Variants in INSYN2A observed in about 807,000 individuals in gnomAD.
INSYN2A encodes the protein family with sequence similarity 196 member A.
INSYN2A carries 17 observed loss-of-function variants against 39.4 expected under a neutral mutation model. That is an observed-to-expected ratio of 0.43 (90% confidence interval 0.30 to 0.65). The LOEUF (loss-of-function observed/expected upper bound fraction) is 0.65, where lower values mean the gene tolerates loss of function less well. Among genes scored for constraint, INSYN2A ranks in the 30% least tolerant of loss-of-function variants. The pLI, the probability that INSYN2A is intolerant of heterozygous loss-of-function variation, is 0.14. For missense variants in INSYN2A, 595 were observed against 631.2 expected, an observed-to-expected ratio of 0.94 and a Z score of 0.61; for synonymous variants, 255 against 265.7, an observed-to-expected ratio of 0.96 and a Z score of 0.39.
intron 5 of INSYN2A, chr10:127,145,870 C>A (rs1592214105): frequency 2.5e-6 from 1 of 399,032 alleles, no homozygotes; most frequent in South Asian, 1.9e-5. Flanking sequence ...TTGTGTGTGT[C>A]ATCTGGTGTC....
chr10:127,144,132 T>C (rs918195117), intron 5 of INSYN2A, among the ~76,000 whole-genome samples: 1 of 152,120 alleles, frequency 6.6e-6, no homozygotes. Context: ...TCCTTGGCCA[T>C]TGAAACAGCT....
chr10:127,189,444 G>A (rs1238446124), intron 2 of INSYN2A, among the ~76,000 whole-genome samples: 1 of 152,176 alleles, frequency 6.6e-6, no homozygotes, highest in Non-Finnish European at 1.5e-5. Flanking sequence ...CTGTCATTCA[G>A]CCTCACCCTG....
chr10:127,169,747 G>A (rs1292311018), intron 4 of INSYN2A, among the ~76,000 whole-genome samples: 2 of 152,166 alleles, frequency 1.3e-5, no homozygotes, highest in South Asian at 2.1e-4. Flanking sequence ...CTGACCCTGA[G>A]CCCCTGCAGT....
chr10:127,185,237 T>C (rs1284276380), intron 2 of INSYN2A, among the ~76,000 whole-genome samples: 1 of 152,110 alleles, frequency 6.6e-6, no homozygotes, highest in Non-Finnish European at 1.5e-5. Context: ...GGTTTAAGAA[T>C]CTTAACACTG....
intron 4 of INSYN2A, among the ~76,000 whole-genome samples, chr10:127,154,241 T>G (rs2052803729): frequency 6.6e-6 from 1 of 152,248 alleles, no homozygotes; most frequent in Non-Finnish European, 1.5e-5. Context: ...TAAAGAAACT[T>G]TGAGGAAAAA....
At chr10:127,154,759 C>G (rs1402464460) in intron 4 of INSYN2A, among the ~76,000 whole-genome samples, 1 of 152,104 alleles carries the variant, frequency 6.6e-6, no homozygotes, top group Non-Finnish European at 1.5e-5. Flanking sequence ...AATTCTCCCC[C>G]CTAATTAAAA....
chr10:127,137,167 A>G lies in INSYN2A; in HGVS notation c.*670T>C, dbSNP rs2050772285. The G allele has an allele frequency of 6.5e-6, 1 of 152,708 alleles. No individual in the cohort carries two copies. Among genetic ancestry groups the G allele is most frequent in the Non-Finnish European group, 1.5e-5 (1 of 68,062 alleles). 9.5% of individuals were successfully genotyped at this position (152,708 alleles called of 1,614,324 possible). On this transcript the variant is annotated 3_prime_UTR_variant, in exon 6 of 6. Transcript: ENST00000522781. ...GCTGCTGGCCATTTGGAAAATGAGC[A>G]GTAAACATGTCGTAAGTCTGGAGAT...
chr10:127,149,213 C>T (rs1156228941), intron 5 of INSYN2A, among the ~76,000 whole-genome samples: 1 of 152,262 alleles, frequency 6.6e-6, no homozygotes, highest in South Asian at 2.1e-4. Flanking sequence ...TTGATGATCC[C>T]TTAGTGCAAC....
chr10:127,176,396 G>C lies in INSYN2A; in HGVS notation c.-1C>G, dbSNP rs2055160027. On this transcript the variant is annotated 5_prime_UTR_variant, in exon 4 of 6. Coordinates refer to ENST00000522781, the MANE Select transcript of INSYN2A (RefSeq NM_001039762.3). This position sits in a 1 kb window ranked among gnomAD's most constrained non-coding sequence, Gnocchi z 4.4. ...ATTTGCCGGTGTCCTTACTGACCAT[G>C]GTTCCTGCATTCAGAAACAGCAACA... is the stretch of plus-strand genomic sequence containing the variant. The C allele has an allele frequency of 1.3e-6, 2 of 1,596,878 alleles. No homozygotes were observed. Among genetic ancestry groups the C allele is most frequent in the Non-Finnish European group, 1.7e-6 (2 of 1,172,156 alleles).
At chr10:127,163,008 C>A (rs2053724324) in intron 4 of INSYN2A, among the ~76,000 whole-genome samples, 1 of 152,208 alleles carries the variant, frequency 6.6e-6, no homozygotes, top group African/African-American at 2.4e-5. Flanking sequence ...TGCAAACCTG[C>A]ATCCTTGGTC....
chr10:127,193,582 A>C (rs576679380), intron 1 of INSYN2A, among the ~76,000 whole-genome samples: 28 of 152,298 alleles, frequency 1.8e-4, no homozygotes, highest in African/African-American at 6.7e-4. Context: ...CAAACAAGAG[A>C]ATACAAATGT....
chr10:127,144,770 G>A (rs908739224), intron 5 of INSYN2A, among the ~76,000 whole-genome samples: 1 of 152,030 alleles, frequency 6.6e-6, no homozygotes, highest in African/African-American at 2.4e-5. Context: ...ATGATTCACC[G>A]TAACTTTGTA....
At chr10:127,159,241 A>G (rs149196798) in intron 4 of INSYN2A, among the ~76,000 whole-genome samples, 271 of 152,264 alleles carry the variant, frequency 1.8e-3, no homozygotes, top group African/African-American at 6.1e-3. Flanking sequence ...TCTTCACAGG[A>G]CTTTGCTCTA....
rs1418152332 is a variant in INSYN2A at position 127,136,244 on chromosome 10, C to T, written c.*1593G>A. ...TCACTAGGTCCTTGTAGAATCAAAA[C>T]ACTTAGAACTAAAACAGATTTGCTG... On this transcript the variant is annotated 3_prime_UTR_variant, in exon 6 of 6. Transcript: ENST00000522781. 2 of 151,806 alleles carry T rather than the reference C, an allele frequency of 1.3e-5. No homozygotes were observed. Among genetic ancestry groups the T allele is most frequent in the African/African-American group, 4.8e-5 (2 of 41,318 alleles). 9.4% of individuals were successfully genotyped at this position (151,806 alleles called of 1,614,324 possible). A position where few individuals can be genotyped will look rare whatever the true frequency, so the allele number is the denominator to read the frequency against.
chr10:127,175,472 T>C lies in INSYN2A; in HGVS notation c.924A>G (p.Ser308=). 1 of 1,609,392 alleles carries C rather than the reference T, an allele frequency of 6.2e-7. No individual in the cohort carries two copies. ...QAPSETALAC[S]PPMQCLSPEC... The stretch of plus-strand genomic sequence containing the variant: ...CGGGGGACAGGCACTGCATCGGGGG[T>C]GAGCAGGCCAGGGCAGTTTCCGAGG... Residue 308 remains serine, a synonymous_variant, in exon 4 of 6, where the codon TCA becomes TCG. Coordinates refer to ENST00000522781, the MANE Select transcript of INSYN2A (RefSeq NM_001039762.3). This position sits in a 1 kb window ranked among gnomAD's most constrained non-coding sequence, Gnocchi z 6.3.
chr10:127,163,362 G>A (rs765366015), intron 4 of INSYN2A, among the ~76,000 whole-genome samples: 7 of 151,950 alleles, frequency 4.6e-5, no homozygotes, highest in African/African-American at 1.2e-4. Context: ...GGAGTATACC[G>A]GGAGCTGTAG....
chr10:127,177,024 T>C lies in INSYN2A; in HGVS notation c.-153A>G, dbSNP rs988111475. On this transcript the variant is annotated 5_prime_UTR_variant, in exon 3 of 6. Transcript: ENST00000522781. ...CCGTGAAGGAGAAGTCGTCGAGGGG[T>C]GGTCGCTTCTCATGGGTTAACATCA... 6.6e-6 allele frequency: 1 copy of C among 151,996 alleles called. No individual in the cohort carries two copies. The highest frequency in any genetic ancestry group is 1.5e-5 in the Non-Finnish European group (1 of 68,078). The allele number at this position is 151,996 out of a possible 1,614,324, so 9.4% of individuals were successfully genotyped here.
At chr10:127,170,720 G>A (rs1442652610) in intron 4 of INSYN2A, among the ~76,000 whole-genome samples, 1 of 152,024 alleles carries the variant, frequency 6.6e-6, no homozygotes, top group East Asian at 1.9e-4. Context: ...TAATTGATTG[G>A]GTTTTTTAAA....
At chr10:127,155,502 C>T (rs998763417) in intron 4 of INSYN2A, among the ~76,000 whole-genome samples, 2 of 152,150 alleles carry the variant, frequency 1.3e-5, no homozygotes, top group African/African-American at 4.8e-5. Context: ...CTTTGGAACC[C>T]CACAGCAGGC....
Sources: allele counts gnomAD v4.1 joint callset (sites outside exome capture counted in the v4.1 genomes callset), GRCh38; gene constraint gnomAD v4.1.1; non-coding constraint Gnocchi (gnomAD v3.1); transcripts MANE v1.5; gene names NCBI Gene and HGNC (gene_info 2026-07-23, HGNC 2026-07-21).